KSR2: variants seen among roughly 807,000 people sequenced by gnomAD.
KSR2 encodes the protein kinase suppressor of ras 2.
KSR2 carries 25 observed loss-of-function variants against 107.8 expected under a neutral mutation model. The ratio of observed to expected loss-of-function variants is 0.23; its 90% confidence interval spans 0.17 to 0.32. The LOEUF (loss-of-function observed/expected upper bound fraction) is 0.32. Ranked by LOEUF, KSR2 falls within the 10% of genes least tolerant of loss-of-function variation. KSR2 has a pLI of 1.00. For missense variants in KSR2, 887 were observed against 1,268.9 expected (o/e 0.70, Z 4.57); for synonymous variants, 480 against 507.0 (o/e 0.95, Z 0.71).
At chr12:117,723,490 C>A (rs1228272316) in intron 4 of KSR2, among the ~76,000 whole-genome samples, 2 of 152,024 alleles carry the variant, frequency 1.3e-5, no homozygotes, top group African/African-American at 4.8e-5. Context: ...ATGAATCATC[C>A]ATGATCTCAC....
chr12:117,921,699 T>A (rs559923989), intron 1 of KSR2, among the ~76,000 whole-genome samples: 6 of 152,290 alleles, frequency 3.9e-5, no homozygotes, highest in Middle Eastern at 3.4e-3. Context: ...CTAAATGCAA[T>A]CAATGTAAAG....
At chr12:117,539,973 C>T (rs1194141436) in intron 9 of KSR2, 86 bp from the exon 10 acceptor site, 5 of 1,106,998 alleles carry the variant, frequency 4.5e-6, no homozygotes, top group Non-Finnish European at 6.5e-6. Flanking sequence ...GGAGAGGCCC[C>T]CACCCCAGCC....
intron 3 of KSR2, among the ~76,000 whole-genome samples, chr12:117,798,713 A>T (rs1593249891): frequency 1.1e-5 from 1 of 92,638 alleles, no homozygotes; most frequent in Admixed American, 1.2e-4. Flanking sequence ...AAAGTCCAAA[A>T]AAAAAAAATA....
chr12:117,855,578 C>G lies in KSR2; in HGVS notation c.322G>C (p.Glu108Gln), dbSNP rs868433085. The G allele has an allele frequency of 1.9e-6, 3 of 1,613,872 alleles. No individual in the cohort carries two copies. Among genetic ancestry groups the G allele is most frequent in the Non-Finnish European group, 2.5e-6 (3 of 1,179,846 alleles). ...IVDVRKEVLE[E>Q]ISPGQLSLED... Reference sequence around the variant, plus strand: ...AGGCTCAGCTGGCCGGGGGAGATTTCCTAGAGGAGGGGAGAAGGATTGTCA... The same window carrying G: ...AGGCTCAGCTGGCCGGGGGAGATTTGCTAGAGGAGGGGAGAAGGATTGTCA... The change falls in exon 3 of 20, where the codon GAA becomes CAA. Residue 108 changes from glutamate to glutamine, a missense_variant and splice_region_variant. Physicochemically the swap from Glu to Gln is conservative, Grantham distance 29. Transcript: ENST00000339824.
intron 5 of KSR2, among the ~76,000 whole-genome samples, chr12:117,629,225 C>T (rs1270541804): frequency 6.6e-6 from 1 of 152,208 alleles, no homozygotes; most frequent in Non-Finnish European, 1.5e-5. Context: ...CCAACCAGTC[C>T]CAATGAGATG....
intron 5 of KSR2, among the ~76,000 whole-genome samples, chr12:117,630,656 G>C (rs1043565123): frequency 2.0e-5 from 3 of 152,138 alleles, no homozygotes. Context: ...CGGTGGTGAT[G>C]GTTCTGACCC....
intron 4 of KSR2, among the ~76,000 whole-genome samples, chr12:117,758,245 G>A (rs1337045414): frequency 2.0e-5 from 3 of 152,072 alleles, no homozygotes; most frequent in Non-Finnish European, 2.9e-5. Context: ...CTAATAATTG[G>A]GACTCACCTC....
intron 4 of KSR2, among the ~76,000 whole-genome samples, chr12:117,731,872 C>T (rs551826737): frequency 1.4e-4 from 20 of 142,716 alleles, no homozygotes; most frequent in African/African-American, 4.7e-4. Context: ...TCCCTAATCT[C>T]AAGTACCCAG....
intron 1 of KSR2, among the ~76,000 whole-genome samples, chr12:117,887,461 A>G (rs1430570770): frequency 1.3e-5 from 2 of 152,110 alleles, no homozygotes; most frequent in Non-Finnish European, 2.9e-5. Context: ...GTTCAGGTGA[A>G]GTTTACATGC....
chr12:117,730,762 G>A (rs551713044), intron 4 of KSR2, among the ~76,000 whole-genome samples: 6 of 152,186 alleles, frequency 3.9e-5, no homozygotes, highest in African/African-American at 9.7e-5. Context: ...TGCCCGCCTC[G>A]GCCTCCCGAG....
intron 14 of KSR2, among the ~76,000 whole-genome samples, chr12:117,488,166 G>C (rs1039679940): frequency 9.9e-5 from 15 of 152,120 alleles, no homozygotes; most frequent in African/African-American, 3.4e-4. Context: ...CATCATAATT[G>C]TGAGGCCTCT....
rs1456475825 is a variant in KSR2 at position 117,464,752 on chromosome 12, G to A, written c.*2447C>T. 1 of 152,308 alleles carries A rather than the reference G, an allele frequency of 6.6e-6. No homozygotes were observed. Among genetic ancestry groups the A allele is most frequent in the African/African-American group, 2.4e-5 (1 of 41,452 alleles). The allele number at this position is 152,308 out of a possible 1,614,324, so 9.4% of individuals were successfully genotyped here. ...GAGTAGTGAAGTGGGGAAAGATCGA[G>A]AAGTCAAGAGCAAGTGACTCAGATT... On this transcript the variant is annotated 3_prime_UTR_variant, in exon 20 of 20. Coordinates refer to ENST00000339824, the MANE Select transcript of KSR2 (RefSeq NM_173598.6).
At chr12:117,500,221 G>A (rs548835198) in intron 14 of KSR2, among the ~76,000 whole-genome samples, 6 of 152,296 alleles carry the variant, frequency 3.9e-5, no homozygotes, top group Admixed American at 3.3e-4. Context: ...TTTCACAGGG[G>A]AGATGGAGAA....
intron 1 of KSR2, among the ~76,000 whole-genome samples, chr12:117,885,231 T>C (rs1894140968): frequency 6.6e-6 from 1 of 152,124 alleles, no homozygotes; most frequent in Non-Finnish European, 1.5e-5. Flanking sequence ...CCGATAGAGA[T>C]CTTAGGGGTC....
chr12:117,785,426 A>C (rs1344816429), intron 3 of KSR2, among the ~76,000 whole-genome samples: 2 of 117,548 alleles, frequency 1.7e-5, no homozygotes, highest in Admixed American at 7.6e-5. Flanking sequence ...AAAAAAAAAA[A>C]AAAAAAAAAA....
chr12:117,654,259 G>A (rs1306508509), intron 5 of KSR2, among the ~76,000 whole-genome samples: 2 of 152,118 alleles, frequency 1.3e-5, no homozygotes, highest in Non-Finnish European at 2.9e-5. Flanking sequence ...TGGCATATAC[G>A]GGATTGGGCT....
chr12:117,699,070 G>C (rs559741075), intron 4 of KSR2, among the ~76,000 whole-genome samples: 1 of 152,082 alleles, frequency 6.6e-6, no homozygotes. Flanking sequence ...TTTAGTGTTC[G>C]GCAATAATCT....
chr12:117,955,855 T>A lies in KSR2; in HGVS notation c.180+12221A>T, dbSNP rs368131944. Among the ~76,000 whole-genome samples the A allele has an allele frequency of 5.2e-3, 752 of 143,876 alleles. 9 individuals are homozygous for A. Among genetic ancestry groups the A allele is most frequent in the Admixed American group, 0.017 (245 of 14,394 alleles). 94.4% of individuals were successfully genotyped at this position (143,876 alleles called of 152,430 possible). A position where few individuals can be genotyped will look rare whatever the true frequency, so the allele number is the denominator to read the frequency against. On this transcript the variant is annotated intron_variant, in intron 1 of 19. Coordinates refer to ENST00000339824, the MANE Select transcript of KSR2 (RefSeq NM_173598.6). ...AAAATTTTCTAGTAGCCTCAGGGGG[T>A]AAAAAAAAAAAGGAAAGTACATACA...
At chr12:117,796,073 T>C (rs1470934385) in intron 3 of KSR2, among the ~76,000 whole-genome samples, 1 of 147,640 alleles carries the variant, frequency 6.8e-6, no homozygotes, top group Non-Finnish European at 1.5e-5. Flanking sequence ...ACCACAGGTA[T>C]GTGCCACCAT....
Sources: allele counts gnomAD v4.1 joint callset (sites outside exome capture counted in the v4.1 genomes callset), GRCh38; gene constraint gnomAD v4.1.1; transcripts MANE v1.5; gene names NCBI Gene and HGNC (gene_info 2026-07-23, HGNC 2026-07-21).